INTS6: variants seen among roughly 807,000 people sequenced by gnomAD.
INTS6 encodes integrator complex subunit 6, also known as DEAD box protein.
In INTS6, 16 loss-of-function variants were observed where a neutral mutation model predicts 104.9. The observed-to-expected ratio is 0.15, with a 90% CI of 0.10 to 0.23. INTS6 has a LOEUF of 0.23. Among genes scored for constraint, INTS6 ranks in the 10% least tolerant of loss-of-function variants. INTS6 has a pLI of 1.00. For synonymous variants in INTS6, 324 were observed against 358.7 expected, an observed-to-expected ratio of 0.90 and a Z score of 1.09; for missense variants, 584 against 1,062.8, an observed-to-expected ratio of 0.55 and a Z score of 6.26.
chr13:51,450,535 C>A, intron 3 of INTS6: 1 of 985,438 alleles, frequency 1.0e-6, no homozygotes, highest in Non-Finnish European at 1.2e-6. Context: ...ATGTTCTCAG[C>A]CAGTGACTGT....
chr13:51,418,762 C>A (rs577351834), intron 4 of INTS6, among the ~76,000 whole-genome samples: 2 of 152,254 alleles, frequency 1.3e-5, no homozygotes, highest in East Asian at 3.9e-4. Context: ...TACTGAAATA[C>A]TTTCTTCAAC....
At chr13:51,443,858 CTA>C (rs1274019879) in intron 3 of INTS6, 4 of 152,100 alleles carry the variant, frequency 2.6e-5, no homozygotes, top group African/African-American at 9.7e-5. Flanking sequence ...TTGTAGAAAT[CTA>C]TGACATGAAC....
At chr13:51,408,993 A>C (rs1203674221) in intron 4 of INTS6, among the ~76,000 whole-genome samples, 1 of 152,102 alleles carries the variant, frequency 6.6e-6, no homozygotes, top group South Asian at 2.1e-4. Context: ...TTCTTCTTCC[A>C]TATCATAGCT....
chr13:51,415,806 G>C (rs1009740813), intron 4 of INTS6, among the ~76,000 whole-genome samples: 2 of 152,172 alleles, frequency 1.3e-5, no homozygotes, highest in Admixed American at 1.3e-4. Flanking sequence ...ACACACTTCT[G>C]TGCAGATGAA....
At chr13:51,347,131 A>G in the INTS6 span, 1 of 1,613,688 alleles carries the variant, frequency 6.2e-7, no homozygotes, top group Non-Finnish European at 8.5e-7. Flanking sequence ...GCACTTGGCG[A>G]AAGAGATTCT....
chr13:51,411,518 A>G (rs1414371223), intron 4 of INTS6, among the ~76,000 whole-genome samples: 1 of 151,304 alleles, frequency 6.6e-6, no homozygotes, highest in East Asian at 1.9e-4. Flanking sequence ...GTGCCGTTGC[A>G]CTCCAGTCTG....
chr13:51,407,602 A>C (rs1956595149), intron 4 of INTS6, among the ~76,000 whole-genome samples: 1 of 152,204 alleles, frequency 6.6e-6, no homozygotes, highest in Non-Finnish European at 1.5e-5. Flanking sequence ...GGTATGTCCT[A>C]ATGTTCTGTC....
intron 5 of INTS6, 146 bp from the exon 6 acceptor site, chr13:51,389,590 A>T: frequency 1.5e-6 from 1 of 677,248 alleles, no homozygotes; most frequent in South Asian, 3.8e-5. Context: ...AAGTTGACTA[A>T]TTTCATTATC....
chr13:51,361,986 C>T lies in INTS6; in HGVS notation c.*3766G>A. On this transcript the variant is annotated 3_prime_UTR_variant, in exon 18 of 18. Transcript: ENST00000311234. ...TGTCCACTATCCCCTCAAAAATAAGCATTCTTTCTAGCTGTTTTTATGGTG... is the reference window on the plus strand; with the variant it reads ...TGTCCACTATCCCCTCAAAAATAAGTATTCTTTCTAGCTGTTTTTATGGTG... 1 of 1,610,592 alleles carries T rather than the reference C, an allele frequency of 6.2e-7. No individual in the cohort carries two copies. Among genetic ancestry groups the T allele is most frequent in the South Asian group, 1.1e-5 (1 of 90,680 alleles).
At chr13:51,436,865 T>C (rs1593764969) in intron 3 of INTS6, 1 of 152,138 alleles carries the variant, frequency 6.6e-6, no homozygotes, top group Non-Finnish European at 1.5e-5. Flanking sequence ...GCCAGGCAAA[T>C]AGTGTTTATG....
At chr13:51,420,314 T>TTA (rs1566238313) in intron 4 of INTS6, among the ~76,000 whole-genome samples, 2 of 151,524 alleles carry the variant, frequency 1.3e-5, no homozygotes, top group Non-Finnish European at 2.9e-5. Flanking sequence ...TTTTTTTTTT[T>TTA]ACTAATATAG....
At chr13:51,420,756 T>TAAAAAAAAAAAA (rs75997381) in intron 4 of INTS6, among the ~76,000 whole-genome samples, 1 of 125,884 alleles carries the variant, frequency 7.9e-6, no homozygotes, top group Non-Finnish European at 1.7e-5. Flanking sequence ...CTAGCTAAAT[T>TAAAAAAAAAAAA]AAAAAAAAAA....
chr13:51,415,143 G>A (rs1172075615), intron 4 of INTS6, among the ~76,000 whole-genome samples: 2 of 150,732 alleles, frequency 1.3e-5, no homozygotes, highest in African/African-American at 4.9e-5. Flanking sequence ...TTAAAGGAAA[G>A]GATGTACTAA....
intron 5 of INTS6, among the ~76,000 whole-genome samples, chr13:51,394,339 C>T (rs1593700997): frequency 1.3e-5 from 2 of 152,312 alleles, no homozygotes; most frequent in Non-Finnish European, 2.9e-5. Flanking sequence ...ATCTATTTCA[C>T]ACACCTGTGT....
At chr13:51,383,197 A>T in intron 9 of INTS6, 132 bp downstream of exon 9, 1 of 697,978 alleles carries the variant, frequency 1.4e-6, no homozygotes. Flanking sequence ...TATTTTCTTA[A>T]AGATGTTCAA....
the INTS6 span, among the ~76,000 whole-genome samples, chr13:51,335,120 A>G: frequency 6.6e-6 from 1 of 152,202 alleles, no homozygotes; most frequent in South Asian, 2.1e-4. Flanking sequence ...ACATGAGAGA[A>G]GGGTCACTAC....
At chr13:51,383,041 A>G (rs1956081107) in intron 9 of INTS6, among the ~76,000 whole-genome samples, 1 of 151,838 alleles carries the variant, frequency 6.6e-6, no homozygotes, top group Non-Finnish European at 1.5e-5. Context: ...AGAATACGCC[A>G]CTGCACTCCA....
rs1953087464 is a variant in INTS6, at chr13:51,452,591, C to T, written c.-66G>A. 1 of 1,561,332 alleles carries T rather than the reference C, an allele frequency of 6.4e-7. No individual in the cohort carries two copies. Among genetic ancestry groups the T allele is most frequent in the African/African-American group, 1.4e-5 (1 of 72,820 alleles). On this transcript the variant is annotated 5_prime_UTR_variant, in exon 1 of 18. Transcript: ENST00000311234. This position sits in a 1 kb window ranked among gnomAD's most constrained non-coding sequence, Gnocchi z 4.2. ...AGAGGAGATGGTAGAGGTGGAGGCG[C>T]CGGTGGCGGCGACCGCCGCTACGCG...
chr13:51,437,161 G>T (rs891754124), intron 3 of INTS6: 3 of 152,106 alleles, frequency 2.0e-5, no homozygotes, highest in Non-Finnish European at 4.4e-5. Context: ...TAAAAACCAA[G>T]ATGTAAACAT....
Sources: gnomAD v4.1 joint callset for allele counts (sites outside exome capture counted in the v4.1 genomes callset) on GRCh38, gnomAD v4.1.1 for gene constraint, Gnocchi (gnomAD v3.1) non-coding constraint, MANE v1.5 for transcripts, NCBI Gene and HGNC (gene_info 2026-07-23, HGNC 2026-07-21) for gene names.